Variants in TBP observed in about 807,000 individuals in gnomAD.
The protein encoded by TBP is TATA-box binding protein, also known as TATA-box-binding protein.
TBP carries 12 observed loss-of-function variants against 46.2 expected under a neutral mutation model. The ratio of observed to expected loss-of-function variants is 0.26; its 90% confidence interval spans 0.17 to 0.42. The LOEUF is 0.42. Among genes scored for constraint, TBP ranks in the 10% least tolerant of loss-of-function variants. The probability of loss-of-function intolerance (pLI) is 1.00; values close to 1 mark genes in which losing one functional copy is unlikely to be tolerated. For synonymous variants in TBP, 157 were observed against 148.3 expected, an observed-to-expected ratio of 1.06 and a Z score of -0.42; for missense variants, 229 against 403.1, an observed-to-expected ratio of 0.57 and a Z score of 3.70.
chr6:170,571,347 C>T (rs1779363207), intron 6 of TBP, 63 bp from the exon 7 acceptor site: 1 of 1,185,774 alleles, frequency 8.4e-7, no homozygotes, highest in Admixed American at 1.9e-5. Flanking sequence ...TGTACAGGTC[C>T]TCATTTTATC....
At position 170,568,777 on chromosome 6, in the gene TBP, A is replaced by C. The variant is rs1486708294; in HGVS notation, c.678-835A>C. Among the ~76,000 whole-genome samples, 10 of 40,782 alleles carry C rather than the reference A, an allele frequency of 2.5e-4. No individual in the cohort carries two copies. The East Asian group carries it at 4.6e-3, about 19-fold the overall frequency. 26.8% of individuals were successfully genotyped at this position (40,782 alleles called of 152,430 possible). A position where few individuals can be genotyped will look rare whatever the true frequency, so the allele number is the denominator to read the frequency against. On this transcript the variant is annotated intron_variant, in intron 5 of 7. Transcript: ENST00000392092. Reference sequence around the variant, plus strand: ...CTGCCTGCCTGCCTTTTTCTCTTTTATTTTTTCTTTTTTTCTCTTCTTTCT... The same window carrying C: ...CTGCCTGCCTGCCTTTTTCTCTTTTCTTTTTTCTTTTTTTCTCTTCTTTCT...
intron 4 of TBP, among the ~76,000 whole-genome samples, 146 bp from the exon 5 acceptor site, chr6:170,566,764 TTACAGATA>T (rs1467900444): frequency 2.6e-5 from 4 of 152,240 alleles, no homozygotes; most frequent in African/African-American, 9.6e-5. Flanking sequence ...TGCAAATCCT[TTACAGATA>T]TACAGAAATA....
rs1420558024 is a variant in TBP at position 170,572,191 on chromosome 6, A to G, written c.946A>G (p.Lys316Glu). ...VSGKVVLTGAKVRAEIYEAFE... is the reference protein window; with the variant it reads ...VSGKVVLTGAEVRAEIYEAFE... Reference sequence around the variant, plus strand: ...ACTCCAACTTGTCTTCTTAGGTGCTAAAGTCAGAGCAGAAATTTATGAAGC... The same window carrying G: ...ACTCCAACTTGTCTTCTTAGGTGCTGAAGTCAGAGCAGAAATTTATGAAGC... Residue 316 changes from lysine (K) to glutamate (E), a missense_variant, in exon 8 of 8, where the codon AAA (lysine) becomes GAA (glutamate). By Grantham distance (56) the Lys-to-Glu change is moderately conservative (BLOSUM62 1). This residue lies in a region of TBP where 44 missense variants were observed against 54.1 expected (regional missense o/e 0.81). Coordinates refer to ENST00000392092, the MANE Select transcript of TBP (RefSeq NM_003194.5). 2 of 1,613,518 alleles carry G rather than the reference A, an allele frequency of 1.2e-6. No individual in the cohort carries two copies. The highest frequency in any genetic ancestry group is 1.7e-6 in the Non-Finnish European group (2 of 1,179,594).
At chr6:170,563,226 G>A (rs1200318500) in intron 3 of TBP, among the ~76,000 whole-genome samples, 2 of 152,268 alleles carry the variant, frequency 1.3e-5, no homozygotes, top group South Asian at 2.1e-4. Flanking sequence ...GAATATTTAA[G>A]TTTGCATTTC....
chr6:170,570,662 G>A (rs1333652960), intron 6 of TBP, among the ~76,000 whole-genome samples: 1 of 152,040 alleles, frequency 6.6e-6, no homozygotes, highest in East Asian at 1.9e-4. Flanking sequence ...GTGAAACCTC[G>A]TCTTTACTAA....
chr6:170,556,016 CTGTT>C (rs1371786435), intron 1 of TBP, among the ~76,000 whole-genome samples: 1 of 151,918 alleles, frequency 6.6e-6, no homozygotes, highest in Non-Finnish European at 1.5e-5. Context: ...CTTTTTTGGT[CTGTT>C]TTTCAGTGAT....
chr6:170,572,293 AC>A lies in TBP; in HGVS notation c.*33del, dbSNP rs753961021. On this transcript the variant is annotated 3_prime_UTR_variant, in exon 8 of 8. Coordinates refer to ENST00000392092, the MANE Select transcript of TBP (RefSeq NM_003194.5). ...GCTCTCATGTACCCTTGCCTCCCCC[AC>A]CCCCTTCTTTTTTTTTTTTTAAACA... The A allele has an allele frequency of 1.2e-3, 1,753 of 1,415,556 alleles. 3 individuals are homozygous for A. Among genetic ancestry groups the A allele is most frequent in the Middle Eastern group, 2.3e-3 (11 of 4,870 alleles). 87.7% of individuals were successfully genotyped at this position (1,415,556 alleles called of 1,614,324 possible).
chr6:170,565,930 T>C (rs1331769778), intron 4 of TBP, among the ~76,000 whole-genome samples: 2 of 151,962 alleles, frequency 1.3e-5, no homozygotes, highest in East Asian at 1.9e-4. Flanking sequence ...AAAAATTATC[T>C]GGGGTTGGTG....
At chr6:170,559,550 C>T (rs1234259454) in intron 2 of TBP, among the ~76,000 whole-genome samples, 1 of 152,186 alleles carries the variant, frequency 6.6e-6, no homozygotes, top group African/African-American at 2.4e-5. Flanking sequence ...CTCTTCAATT[C>T]TGTAAAGGCT....
chr6:170,555,079 T>G (rs536884551), intron 1 of TBP, among the ~76,000 whole-genome samples: 3 of 152,172 alleles, frequency 2.0e-5, no homozygotes, highest in African/African-American at 7.2e-5. Context: ...CCAAAAAATA[T>G]CGGATTTGAT....
At position 170,556,969 on chromosome 6, in the gene TBP, T is replaced by C. The variant is rs1779041919; in HGVS notation, c.-61T>C. On this transcript the variant is annotated 5_prime_UTR_variant, in exon 2 of 8. Transcript: ENST00000392092. ...TGCTGGAGATGCTCTAGGAAAAAAT[T>C]GAATAGTGAGACGAGTTCCAGCGCA... 6.4e-7 allele frequency: 1 copy of C among 1,555,686 alleles called. No individual in the cohort carries two copies. The highest frequency in any genetic ancestry group is 1.4e-5 in the African/African-American group (1 of 73,404).
intron 3 of TBP, among the ~76,000 whole-genome samples, chr6:170,564,011 A>G (rs1056851601): frequency 6.6e-6 from 1 of 152,216 alleles, no homozygotes; most frequent in Admixed American, 6.5e-5. Flanking sequence ...AGAGTTAATT[A>G]GAAGAGAAAG....
In TBP at chr6:170,562,380, G is replaced by C. The variant is rs559300214; in HGVS notation, c.497+147G>C. ...CAAAATTTGCTTTATCTCACATTTG[G>C]GAAAGGGAAGCAAAGCTATCTTAGT... is the stretch of plus-strand genomic sequence containing the variant. On this transcript the variant is annotated intron_variant, in intron 3 of 7. Coordinates refer to ENST00000392092, the MANE Select transcript of TBP (RefSeq NM_003194.5). 296 of 886,224 alleles carry C rather than the reference G, an allele frequency of 3.3e-4. 3 individuals carry two copies. Among genetic ancestry groups the C allele is most frequent in the South Asian group, 2.1e-3 (115 of 55,950 alleles). 54.9% of individuals were successfully genotyped at this position (886,224 alleles called of 1,614,324 possible). A position where few individuals can be genotyped will look rare whatever the true frequency, so the allele number is the denominator to read the frequency against.
At chr6:170,569,803 T>G (rs754901264) in intron 6 of TBP, 24 bp downstream of exon 6, 1 of 1,595,878 alleles carries the variant, frequency 6.3e-7, no homozygotes, top group Non-Finnish European at 8.5e-7. Context: ...GTATTATGAT[T>G]GTTATTGGCA....
chr6:170,567,314 A>G (rs1169341743), intron 5 of TBP: 2 of 154,304 alleles, frequency 1.3e-5, no homozygotes, highest in Non-Finnish European at 2.9e-5. Flanking sequence ...GTGAAACTCC[A>G]TCTCTACTAA....
intron 6 of TBP, among the ~76,000 whole-genome samples, chr6:170,570,926 AT>A (rs1779356011): frequency 6.6e-6 from 1 of 152,226 alleles, no homozygotes; most frequent in Non-Finnish European, 1.5e-5. Flanking sequence ...GTTTGATTAA[AT>A]TTCCTGACCA....
Position 170,572,339 on chromosome 6 carries a change from C to T in TBP, c.*74C>T. 8.2e-7 allele frequency: 1 copy of T among 1,225,238 alleles called. No individual in the cohort carries two copies. The highest frequency in any genetic ancestry group is 1.2e-6 in the Non-Finnish European group (1 of 846,704). 75.9% of individuals were successfully genotyped at this position (1,225,238 alleles called of 1,614,324 possible). On this transcript the variant is annotated 3_prime_UTR_variant, in exon 8 of 8. Coordinates refer to ENST00000392092, the MANE Select transcript of TBP (RefSeq NM_003194.5). Reference sequence around the variant, plus strand: ...TAAACAAATCAGTTTGTTTTGGTACCTTTAAATGGTGGTGTTGTGAGAAGA... The same window carrying T: ...TAAACAAATCAGTTTGTTTTGGTACTTTTAAATGGTGGTGTTGTGAGAAGA...
At chr6:170,566,103 A>C (rs532191450) in intron 4 of TBP, among the ~76,000 whole-genome samples, 97 of 152,298 alleles carry the variant, frequency 6.4e-4, no homozygotes, top group African/African-American at 2.1e-3. Context: ...AAATAAAAAA[A>C]TAAAATTGTT....
chr6:170,566,890 C>A, intron 4 of TBP, 28 bp from the exon 5 acceptor site: 1 of 1,605,280 alleles, frequency 6.2e-7, no homozygotes, highest in Admixed American at 1.7e-5. Flanking sequence ...GGCATGACCT[C>A]ACTAATGATT....
Sources: gnomAD v4.1 joint callset for allele counts (sites outside exome capture counted in the v4.1 genomes callset) on GRCh38, gnomAD v4.1.1 for gene constraint, gnomAD v4.1.1 regional missense constraint, MANE v1.5 for transcripts, NCBI Gene and HGNC (gene_info 2026-07-23, HGNC 2026-07-21) for gene names.